LPA: variants seen among roughly 807,000 people sequenced by gnomAD.
LPA encodes the protein apolipoprotein(a).
Under a neutral mutation model 197.9 loss-of-function variants are expected in LPA, and 199 were observed. That is an observed-to-expected ratio of 1.01 (90% CI 0.90 to 1.13). LPA has a LOEUF of 1.13. Among genes scored for constraint, LPA ranks in the 50% most tolerant of loss-of-function variants. The probability of loss-of-function intolerance (pLI) is 0.00; values close to 1 mark genes in which losing one functional copy is unlikely to be tolerated. For synonymous variants in LPA, 715 were observed against 639.5 expected (o/e 1.12, Z -1.78); for missense variants, 1,853 against 1,785.8 (o/e 1.04, Z -0.68).
intron 26 of LPA, among the ~76,000 whole-genome samples, chr6:160,583,851 GT>G (rs1778845465): frequency 1.3e-5 from 2 of 152,176 alleles, no homozygotes; most frequent in African/African-American, 4.8e-5. Flanking sequence ...TCTAGGAAGG[GT>G]AATTATGGGG....
chr6:160,596,971 C>G (rs534657809), intron 20 of LPA, among the ~76,000 whole-genome samples: 1 of 152,028 alleles, frequency 6.6e-6, no homozygotes, highest in South Asian at 2.1e-4. Flanking sequence ...GTATGACTCC[C>G]AAATATTTGA....
intron 34 of LPA, among the ~76,000 whole-genome samples, chr6:160,541,686 T>C (rs191644526): frequency 1.1e-4 from 16 of 152,290 alleles, no homozygotes; most frequent in Admixed American, 7.2e-4. Flanking sequence ...TCTAGGACTG[T>C]GTAGGCAGTT....
intron 26 of LPA, among the ~76,000 whole-genome samples, chr6:160,580,061 G>T (rs1355707194): frequency 6.6e-6 from 1 of 152,132 alleles, no homozygotes; most frequent in African/African-American, 2.4e-5. Flanking sequence ...CCCACGGCCA[G>T]TGTCAAATGC....
intron 1 of LPA, among the ~76,000 whole-genome samples, chr6:160,662,571 G>A (rs1439307737): frequency 2.0e-5 from 3 of 152,034 alleles, no homozygotes; most frequent in Non-Finnish European, 4.4e-5. Flanking sequence ...CTAGCCTTTG[G>A]GTGTAGCCTG....
intron 7 of LPA, among the ~76,000 whole-genome samples, 198 bp downstream of exon 7, chr6:160,634,925 A>T (rs1329123437): frequency 4.0e-5 from 6 of 150,184 alleles, no homozygotes; most frequent in Non-Finnish European, 7.4e-5. Flanking sequence ...CATTCTAAAG[A>T]CAAAGCCCAC....
At chr6:160,560,268 A>T (rs1778339267) in intron 28 of LPA, among the ~76,000 whole-genome samples, 2 of 152,110 alleles carry the variant, frequency 1.3e-5, no homozygotes, top group African/African-American at 4.8e-5. Context: ...ATGTGTCTTT[A>T]TTGTAGAATG....
At chr6:160,587,084 AATCC>A (rs2115040132) in intron 24 of LPA, among the ~76,000 whole-genome samples, 1 of 152,326 alleles carries the variant, frequency 6.6e-6, no homozygotes, top group African/African-American at 2.4e-5. Flanking sequence ...TTACCTAAGC[AATCC>A]ATCCACATGA....
At chr6:160,576,378 A>ACGTG (rs1778668421) in intron 28 of LPA, among the ~76,000 whole-genome samples, 2 of 64,994 alleles carry the variant, frequency 3.1e-5, no homozygotes, top group Non-Finnish European at 5.1e-5. Flanking sequence ...ATATATATAT[A>ACGTG]TATATATATA....
rs770568866 is a variant in LPA, at chr6:160,577,236, G to A, written c.4531C>T (p.Arg1511Ter). The A allele has an allele frequency of 2.4e-5, 39 of 1,613,732 alleles. 2 individuals carry two copies. Among genetic ancestry groups the A allele is most frequent in the South Asian group, 6.6e-5 (6 of 91,068 alleles). ...DCYHGDGRSY[R>*]GISSTTVTGR... ...GTGACAGTGGTGGAGGATATGCCTCGATAACTCCGTCCATCACCATGGTAG... is the reference window on the plus strand; with the variant it reads ...GTGACAGTGGTGGAGGATATGCCTCAATAACTCCGTCCATCACCATGGTAG... Residue 1511 changes from arginine to a stop codon, truncating the protein, a stop_gained, in exon 28 of 39, where the codon CGA (arginine) becomes TGA (stop). Coordinates refer to ENST00000316300, the MANE Select transcript of LPA (RefSeq NM_005577.4). LOFTEE classifies it high-confidence loss of function.
chr6:160,599,434 C>A, intron 20 of LPA, 66 bp downstream of exon 20: 2 of 1,600,428 alleles, frequency 1.2e-6, no homozygotes, highest in Non-Finnish European at 1.7e-6. Context: ...CACCTTGAAG[C>A]ATGACTCTTC....
At chr6:160,647,831 G>A (rs780103124) in intron 2 of LPA, among the ~76,000 whole-genome samples, 8 of 152,058 alleles carry the variant, frequency 5.3e-5, no homozygotes, top group Non-Finnish European at 7.4e-5. Context: ...GCTTCAACTC[G>A]TCAACTCTCA....
chr6:160,565,144 C>T (rs932440436), intron 28 of LPA, among the ~76,000 whole-genome samples: 6 of 152,216 alleles, frequency 3.9e-5, no homozygotes, highest in African/African-American at 1.2e-4. Flanking sequence ...CAGACTTAAA[C>T]ATCCCTGTCT....
At chr6:160,605,580 A>G (rs1292416237) in intron 17 of LPA, among the ~76,000 whole-genome samples, 2 of 152,208 alleles carry the variant, frequency 1.3e-5, no homozygotes, top group Admixed American at 1.3e-4. Context: ...AGCAAACAGC[A>G]AAGCACGATG....
At chr6:160,663,777 A>G (rs1247795903) in intron 1 of LPA, among the ~76,000 whole-genome samples, 4 of 152,216 alleles carry the variant, frequency 2.6e-5, no homozygotes, top group East Asian at 1.9e-4. Context: ...CATTGTTTCA[A>G]CTTGCTAGTG....
At chr6:160,648,001 C>G (rs1779932639) in intron 2 of LPA, among the ~76,000 whole-genome samples, 1 of 152,152 alleles carries the variant, frequency 6.6e-6, no homozygotes, top group African/African-American at 2.4e-5. Flanking sequence ...TTACATAAGC[C>G]TGCTGATTCC....
In LPA at chr6:160,611,599, G is replaced by T; in HGVS notation, c.2566C>A (p.His856Asn). The T allele has an allele frequency of 1.2e-6, 2 of 1,602,492 alleles. No individual in the cohort carries two copies. The highest frequency in any genetic ancestry group is 1.7e-6 in the Non-Finnish European group (2 of 1,178,144). Residue 856 changes from histidine (H) to asparagine (N), a missense_variant, in exon 16 of 39, where the codon CAC becomes AAC. This residue lies in a region of LPA where 1,737 missense variants were observed against 1,504.4 expected (regional missense o/e 1.15). Transcript: ENST00000316300. The part of the protein sequence containing the change: ...TCQAWSSMTP[H>N]SHSRTPEYYP... Reference sequence around the variant, plus strand: ...TATTCTGGGGTCCGACTATGCGAGTGTGGTGTCATAGATGACCAAGCTTGG... The same window carrying T: ...TATTCTGGGGTCCGACTATGCGAGTTTGGTGTCATAGATGACCAAGCTTGG...
chr6:160,539,291 C>T (rs776439281), intron 36 of LPA, among the ~76,000 whole-genome samples: 4 of 152,228 alleles, frequency 2.6e-5, no homozygotes, highest in Admixed American at 6.5e-5. Context: ...GCTGATTGTA[C>T]TGTCACCTAG....
At chr6:160,576,642 TCAGA>T (rs1778685365) in intron 28 of LPA, among the ~76,000 whole-genome samples, 1 of 141,552 alleles carries the variant, frequency 7.1e-6, no homozygotes, top group South Asian at 2.2e-4. Context: ...ATATAAATAT[TCAGA>T]CATATATATA....
chr6:160,550,572 T>C (rs1778152193), intron 30 of LPA, among the ~76,000 whole-genome samples: 1 of 152,226 alleles, frequency 6.6e-6, no homozygotes, highest in Admixed American at 6.5e-5. Context: ...AGATCTTAGA[T>C]GTAGTTTGAT....
Sources: allele counts gnomAD v4.1 joint callset (sites outside exome capture counted in the v4.1 genomes callset), GRCh38; gene constraint gnomAD v4.1.1; regional missense constraint gnomAD v4.1.1; transcripts MANE v1.5; gene names NCBI Gene and HGNC (gene_info 2026-07-23, HGNC 2026-07-21).